Variants in ZCCHC10 observed in about 807,000 individuals in gnomAD.
ZCCHC10 encodes zinc finger CCHC-type containing 10, also known as zinc finger CCHC domain-containing protein 10.
Under a neutral mutation model 19.5 loss-of-function variants are expected in ZCCHC10, and 16 were observed. The observed-to-expected ratio is 0.82, with a 90% CI of 0.56 to 1.25. The LOEUF is 1.25. Among genes scored for constraint, ZCCHC10 ranks in the 50% most tolerant of loss-of-function variants. The probability of loss-of-function intolerance (pLI) is 0.00; values close to 1 mark genes in which losing one functional copy is unlikely to be tolerated. For missense variants in ZCCHC10, 197 were observed against 201.0 expected (o/e 0.98, Z 0.12); for synonymous variants, 67 against 72.5 (o/e 0.92, Z 0.38).
intron 2 of ZCCHC10, among the ~76,000 whole-genome samples, chr5:133,015,746 C>T (rs1007958619): frequency 3.0e-5 from 4 of 135,300 alleles, no homozygotes; most frequent in Non-Finnish European, 4.7e-5. Context: ...CAGAACCACT[C>T]GCCTAGGTCA....
At chr5:133,004,421 G>A (rs1213220382) in intron 3 of ZCCHC10, among the ~76,000 whole-genome samples, 10 of 152,100 alleles carry the variant, frequency 6.6e-5, no homozygotes, top group African/African-American at 1.2e-4. Context: ...TGATCCACCC[G>A]CCTTGGCCTC....
At chr5:133,010,951 C>A (rs891690486) in intron 2 of ZCCHC10, among the ~76,000 whole-genome samples, 12 of 149,378 alleles carry the variant, frequency 8.0e-5, no homozygotes, top group African/African-American at 1.2e-4. Context: ...GCCACCACAC[C>A]CAGCTAGTTT....
intron 2 of ZCCHC10, among the ~76,000 whole-genome samples, chr5:133,017,951 C>A (rs374046411): frequency 2.0e-4 from 31 of 152,098 alleles, no homozygotes; most frequent in Middle Eastern, 6.8e-3. Context: ...CGAGACTAGC[C>A]TGGCCAACAT....
At chr5:133,019,826 T>C (rs1437131147) in intron 2 of ZCCHC10, among the ~76,000 whole-genome samples, 2 of 151,474 alleles carry the variant, frequency 1.3e-5, no homozygotes, top group African/African-American at 4.8e-5. Flanking sequence ...GGGTGGTGCA[T>C]CTGTAGTCCT....
chr5:133,026,486 T>C lies in ZCCHC10; in HGVS notation c.41+11A>G, dbSNP rs756788779. On this transcript the variant is annotated intron_variant, in intron 1 of 4. Coordinates refer to ENST00000509437, the MANE Select transcript of ZCCHC10 (RefSeq NM_001300816.3). ...AGCCCTCCAGTGGACCCGAACCGGA[T>C]CCTTACTTACGCTTGTCTCCGGGCT... 1.1e-5 allele frequency: 17 copies of C among 1,613,384 alleles called. No homozygotes were observed. Among genetic ancestry groups the C allele is most frequent in the Non-Finnish European group, 1.4e-5 (17 of 1,179,842 alleles).
chr5:133,016,942 C>T (rs1373279469), intron 2 of ZCCHC10, among the ~76,000 whole-genome samples: 3 of 151,960 alleles, frequency 2.0e-5, no homozygotes, highest in East Asian at 1.9e-4. Context: ...GCAGGCCCCC[C>T]CCAGACACAT....
At chr5:133,021,250 C>T (rs866143132) in intron 2 of ZCCHC10, among the ~76,000 whole-genome samples, 3 of 151,432 alleles carry the variant, frequency 2.0e-5, no homozygotes, top group Non-Finnish European at 2.9e-5. Context: ...AGGATGGTCT[C>T]GATCTCCTGA....
At chr5:133,000,278 T>G in intron 3 of ZCCHC10, 105 bp from the exon 4 acceptor site, 1 of 1,308,704 alleles carries the variant, frequency 7.6e-7, no homozygotes, top group Non-Finnish European at 1.1e-6. Flanking sequence ...TGGAGAAAGA[T>G]TCTGTGTTTT....
rs541613844 is a variant in ZCCHC10 at position 132,998,335 on chromosome 5, A to G, written c.*248T>C. On this transcript the variant is annotated 3_prime_UTR_variant, in exon 5 of 5. Coordinates refer to ENST00000509437, the MANE Select transcript of ZCCHC10 (RefSeq NM_001300816.3). ...TTTCATCACACAAACAGATTTGCAG[A>G]TTTCAGCTTTAAGTTCTAGAGATAT... 8.8e-5 allele frequency: 32 copies of G among 362,174 alleles called. No individual in the cohort carries two copies. Among genetic ancestry groups the G allele is most frequent in the African/African-American group, 6.4e-4 (31 of 48,550 alleles). The allele number at this position is 362,174 out of a possible 1,614,324, so 22.4% of individuals were successfully genotyped here.
chr5:133,019,123 C>T (rs778563659), intron 2 of ZCCHC10: 3 of 448,236 alleles, frequency 6.7e-6, no homozygotes, highest in South Asian at 4.7e-5. Flanking sequence ...GTGGCTCACG[C>T]CTATAATCCT....
chr5:133,020,985 C>T (rs967883656), intron 2 of ZCCHC10, among the ~76,000 whole-genome samples: 2 of 152,096 alleles, frequency 1.3e-5, no homozygotes, highest in Non-Finnish European at 2.9e-5. Context: ...CAAGCTCTGC[C>T]TCTCGGCTTC....
chr5:133,012,160 GAAAGAAAGAAAA>G (rs1176877878), intron 2 of ZCCHC10, among the ~76,000 whole-genome samples: 2 of 120,760 alleles, frequency 1.7e-5, no homozygotes, highest in African/African-American at 5.9e-5. Flanking sequence ...AAAAAAGAAA[GAAAGAAAGAAAA>G]AAAGAAAAAA....
At chr5:133,026,278 C>G (rs560534793) in intron 1 of ZCCHC10, among the ~76,000 whole-genome samples, 1 of 152,360 alleles carries the variant, frequency 6.6e-6, no homozygotes, top group Admixed American at 6.5e-5. Flanking sequence ...TCAAACCCCG[C>G]TCTGTCCCGT....
chr5:132,997,125 G>C lies in ZCCHC10; in HGVS notation c.*1458C>G, dbSNP rs1310239444. On this transcript the variant is annotated 3_prime_UTR_variant, in exon 5 of 5. Coordinates refer to ENST00000509437, the MANE Select transcript of ZCCHC10 (RefSeq NM_001300816.3). ...AAACATTATAAAATGTGCCTGATTG[G>C]TAATTTATTAACTCTATCTGTCAAG... 6.6e-6 allele frequency: 1 copy of C among 152,080 alleles called. No homozygotes were observed. The highest frequency in any genetic ancestry group is 6.6e-5 in the Admixed American group (1 of 15,266). 9.4% of individuals were successfully genotyped at this position (152,080 alleles called of 1,614,324 possible). A position where few individuals can be genotyped will look rare whatever the true frequency, so the allele number is the denominator to read the frequency against.
rs775804778 is a variant in ZCCHC10, at chr5:133,006,900, A to C, written c.128T>G (p.Val43Gly). Residue 43 changes from valine (V) to glycine (G), a missense_variant, in exon 3 of 5, where the codon GTA (valine) becomes GGA (glycine). Val to Gly is a moderately radical substitution (Grantham distance 109). Transcript: ENST00000509437. ...IVISEANKQH[V>G]RCQKCLEFGH... ...AAATTCCAAGCATTTCTGACATCTTACATGTTGCTTATTTGCTTCACTACA... is the reference window on the plus strand; with the variant it reads ...AAATTCCAAGCATTTCTGACATCTTCCATGTTGCTTATTTGCTTCACTACA... 1 of 1,609,306 alleles carries C rather than the reference A, an allele frequency of 6.2e-7. No individual in the cohort carries two copies. The highest frequency in any genetic ancestry group is 1.1e-5 in the South Asian group (1 of 89,424).
chr5:133,025,525 A>AAAAAAAAAG (rs1764637629), intron 1 of ZCCHC10, among the ~76,000 whole-genome samples: 2 of 124,828 alleles, frequency 1.6e-5, no homozygotes, highest in Non-Finnish European at 3.3e-5. Flanking sequence ...AAAAAAAAAA[A>AAAAAAAAAG]AAAAAAAAGA....
At chr5:133,019,059 A>G (rs918788610) in intron 2 of ZCCHC10, 2 of 452,124 alleles carry the variant, frequency 4.4e-6, no homozygotes, top group African/African-American at 4.0e-5. Context: ...TTTTATTGTT[A>G]TAAATACGAC....
intron 2 of ZCCHC10, among the ~76,000 whole-genome samples, chr5:133,014,546 G>C (rs781131915): frequency 1.4e-4 from 22 of 152,180 alleles, no homozygotes; most frequent in Non-Finnish European, 3.2e-4. Flanking sequence ...CACCACAGTT[G>C]CACTTGTCAC....
Position 133,026,516 on chromosome 5 carries a change from G to T in ZCCHC10, c.22C>A (p.Leu8Ile), listed in dbSNP as rs1308655678. MATPMHR[L>I]IARRQAFDTE... is the part of the protein sequence containing the mutation. ...ACTTACGCTTGTCTCCGGGCTATTA[G>T]CCGATGCATGGGAGTCGCCATCTTA... Residue 8 changes from leucine (L) to isoleucine (I), a missense_variant, in exon 1 of 5, where the codon CTA (leucine) becomes ATA (isoleucine). Transcript: ENST00000509437. 20 of 1,613,730 alleles carry T rather than the reference G, an allele frequency of 1.2e-5. No individual in the cohort carries two copies. Among genetic ancestry groups the T allele is most frequent in the Non-Finnish European group, 1.7e-5 (20 of 1,179,982 alleles).
Sources: allele counts gnomAD v4.1 joint callset (sites outside exome capture counted in the v4.1 genomes callset), GRCh38; gene constraint gnomAD v4.1.1; transcripts MANE v1.5; gene names NCBI Gene and HGNC (gene_info 2026-07-23, HGNC 2026-07-21).